Variants in CCDC69 observed in about 807,000 individuals in gnomAD.
The protein encoded by CCDC69 is coiled-coil domain-containing protein 69.
CCDC69 carries 38 observed loss-of-function variants against 40.3 expected under a neutral mutation model. That is an observed-to-expected ratio of 0.94 (90% CI 0.73 to 1.24). The LOEUF (loss-of-function observed/expected upper bound fraction) is 1.24, where lower values mean the gene tolerates loss of function less well. Ranked by LOEUF, CCDC69 falls within the 50% of genes most tolerant of loss-of-function variation. The pLI is 0.00. For synonymous variants in CCDC69, 141 were observed against 138.9 expected, an observed-to-expected ratio of 1.02 and a Z score of -0.11; for missense variants, 389 against 357.9, an observed-to-expected ratio of 1.09 and a Z score of -0.70.
Position 151,190,864 on chromosome 5 carries a change from G to A in CCDC69, c.320-3405C>T, listed in dbSNP as rs185570013. The stretch of plus-strand genomic sequence containing the variant: ...GGATAAAGATCAGCGAGAACAAACA[G>A]AAAACACATCCTAAAATGGTAGACT... On this transcript the variant is annotated intron_variant, in intron 4 of 8. Transcript: ENST00000355417. 2.4e-3 allele frequency among the ~76,000 whole-genome samples: 358 copies of A among 151,778 alleles called. 1 individual carries two copies. Among genetic ancestry groups the A allele is most frequent in the African/African-American group, 7.9e-3 (327 of 41,362 alleles).
chr5:151,216,820 C>T (rs562258487), intron 1 of CCDC69, among the ~76,000 whole-genome samples: 17 of 152,270 alleles, frequency 1.1e-4, no homozygotes, highest in African/African-American at 3.9e-4. Context: ...TGAAAGCCTC[C>T]CCCAGAGTCA....
chr5:151,212,531 T>C (rs1752968679), intron 1 of CCDC69, among the ~76,000 whole-genome samples: 1 of 152,138 alleles, frequency 6.6e-6, no homozygotes, highest in African/African-American at 2.4e-5. Flanking sequence ...GAGAAGACAG[T>C]GTCCAGAGCC....
At chr5:151,188,655 T>C (rs1752562326) in intron 4 of CCDC69, among the ~76,000 whole-genome samples, 1 of 151,442 alleles carries the variant, frequency 6.6e-6, no homozygotes, top group Admixed American at 6.6e-5. Flanking sequence ...GGTAGAGTAG[T>C]AAAAAATTTA....
chr5:151,182,712 G>A lies in CCDC69; in HGVS notation c.*725C>T. 3.4e-6 allele frequency: 1 copy of A among 294,360 alleles called. No homozygotes were observed. Among genetic ancestry groups the A allele is most frequent in the East Asian group, 9.0e-5 (1 of 11,092 alleles). 18.2% of individuals were successfully genotyped at this position (294,360 alleles called of 1,614,324 possible). ...GAAGGGCCAGGAGGGCTGAGGGGAT[G>A]CACCTTGCCTGGTAAAGGAAGAGGA... On this transcript the variant is annotated 3_prime_UTR_variant, in exon 9 of 9. Coordinates refer to ENST00000355417, the MANE Select transcript of CCDC69 (RefSeq NM_015621.3).
chr5:151,223,880 C>T (rs753805013), intron 1 of CCDC69, 43 bp downstream of exon 1: 3 of 1,582,836 alleles, frequency 1.9e-6, no homozygotes, highest in South Asian at 2.2e-5. Context: ...ATTCCGCACT[C>T]CCCTCTCCTC....
rs559088110 is a variant in CCDC69, at chr5:151,199,075, C to T, written c.241G>A (p.Glu81Lys). 3.7e-6 allele frequency: 6 copies of T among 1,613,774 alleles called. No individual in the cohort carries two copies. The highest frequency in any genetic ancestry group is 5.1e-6 in the Non-Finnish European group (6 of 1,179,832). Residue 81 changes from glutamate (E) to lysine (K), a missense_variant, in exon 4 of 9, where the codon GAA becomes AAA. Transcript: ENST00000355417. ...CTGTCTCGAAGCTCTAGCTCCCTTT[C>T]CTTCTCCACCTGGGGGCAGAGAGTC... The part of the protein sequence containing the change: ...KKKWAQQVEK[E>K]RELELRDRLD...
At chr5:151,197,996 AT>A (rs1752723712) in intron 4 of CCDC69, among the ~76,000 whole-genome samples, 1 of 152,212 alleles carries the variant, frequency 6.6e-6, no homozygotes, top group African/African-American at 2.4e-5. Context: ...ATAGATGTAT[AT>A]TCTATGTATA....
At chr5:151,219,381 C>CA (rs969944485) in intron 1 of CCDC69, among the ~76,000 whole-genome samples, 7 of 152,114 alleles carry the variant, frequency 4.6e-5, no homozygotes, top group Non-Finnish European at 1.0e-4. Flanking sequence ...CTTGACCCCC[C>CA]CGAGTCCAAA....
chr5:151,195,761 A>C (rs948109148), intron 4 of CCDC69, among the ~76,000 whole-genome samples: 1 of 150,362 alleles, frequency 6.7e-6, no homozygotes, highest in African/African-American at 2.5e-5. Flanking sequence ...ACACCCACAC[A>C]CACACCCACA....
chr5:151,197,451 A>G (rs1370064798), intron 4 of CCDC69, among the ~76,000 whole-genome samples: 1 of 152,150 alleles, frequency 6.6e-6, no homozygotes, highest in African/African-American at 2.4e-5. Flanking sequence ...TGAGCCCAAG[A>G]GGCGGAGGTT....
intron 1 of CCDC69, among the ~76,000 whole-genome samples, chr5:151,213,723 G>A (rs1752989549): frequency 6.6e-6 from 1 of 152,152 alleles, no homozygotes; most frequent in Non-Finnish European, 1.5e-5. Flanking sequence ...GCCCTCTTTG[G>A]GAGCCATCAC....
chr5:151,188,979 G>C (rs1324210412), intron 4 of CCDC69, among the ~76,000 whole-genome samples: 2 of 152,100 alleles, frequency 1.3e-5, no homozygotes, highest in Non-Finnish European at 2.9e-5. Flanking sequence ...AGAATCTCAC[G>C]TATTTAGATA....
chr5:151,200,532 T>C (rs966294256), intron 3 of CCDC69, among the ~76,000 whole-genome samples: 1 of 152,206 alleles, frequency 6.6e-6, no homozygotes, highest in Non-Finnish European at 1.5e-5. Context: ...TAGAGAAAAC[T>C]TGTGTACACC....
At chr5:151,206,746 T>A (rs1370215561) in intron 1 of CCDC69, among the ~76,000 whole-genome samples, 3 of 150,778 alleles carry the variant, frequency 2.0e-5, no homozygotes, top group Non-Finnish European at 4.4e-5. Context: ...TTCTCCTGCC[T>A]CAGCCTCCTG....
At chr5:151,194,891 C>CAAA (rs59836328) in intron 4 of CCDC69, among the ~76,000 whole-genome samples, 7,078 of 92,158 alleles carry the variant, frequency 0.077, 334 homozygotes, top group African/African-American at 0.12. Flanking sequence ...GCCTCCATCT[C>CAAA]AAAAAAAAAA....
Position 151,183,138 on chromosome 5 carries a change from GGAAA to G in CCDC69, c.*295_*298del. ...GCCAGCGTGACACAGACTGCCCCTG[GGAAA>G]GCCTCGGAACTTCTCGGATTGGGAC... On this transcript the variant is annotated 3_prime_UTR_variant, in exon 9 of 9. Transcript: ENST00000355417. 1 of 555,910 alleles carries G rather than the reference GGAAA, an allele frequency of 1.8e-6. No individual in the cohort carries two copies. Among genetic ancestry groups the G allele is most frequent in the Non-Finnish European group, 3.4e-6 (1 of 292,092 alleles). The allele number at this position is 555,910 out of a possible 1,614,324, so 34.4% of individuals were successfully genotyped here.
chr5:151,201,852 G>A (rs1309323254), intron 2 of CCDC69, among the ~76,000 whole-genome samples, 164 bp from the exon 3 acceptor site: 2 of 152,116 alleles, frequency 1.3e-5, no homozygotes, highest in South Asian at 2.1e-4. Context: ...ACAGCCCCTC[G>A]AGTCTCTTTG....
At chr5:151,201,050 C>T (rs1213024101) in intron 3 of CCDC69, among the ~76,000 whole-genome samples, 1 of 152,240 alleles carries the variant, frequency 6.6e-6, no homozygotes, top group Admixed American at 6.5e-5. Flanking sequence ...TTTGCCCTCA[C>T]TACCTACCCA....
chr5:151,183,397 C>T lies in CCDC69; in HGVS notation c.*40G>A. The T allele has an allele frequency of 1.3e-6, 2 of 1,578,002 alleles. No individual in the cohort carries two copies. Among genetic ancestry groups the T allele is most frequent in the Non-Finnish European group, 1.7e-6 (2 of 1,161,754 alleles). On this transcript the variant is annotated 3_prime_UTR_variant, in exon 9 of 9. Transcript: ENST00000355417. ...TTCTCCAGAAAAACCTTGGAAGGAG[C>T]TGTGACTTCAGGCGTCGTGGTGGGC...
Sources: gnomAD v4.1 joint callset for allele counts (sites outside exome capture counted in the v4.1 genomes callset) on GRCh38, gnomAD v4.1.1 for gene constraint, MANE v1.5 for transcripts, NCBI Gene and HGNC (gene_info 2026-07-23, HGNC 2026-07-21) for gene names.